The following CORO2B variants were observed in gnomAD, a reference collection of about 807,000 sequenced individuals.
CORO2B encodes the protein coronin 2B.
In CORO2B, 26 loss-of-function variants were observed where a neutral mutation model predicts 58.8. The observed-to-expected ratio is 0.44, with a 90% CI of 0.32 to 0.61. The LOEUF is 0.61. Among genes scored for constraint, CORO2B ranks in the 20% least tolerant of loss-of-function variants. The pLI, the probability that CORO2B is intolerant of heterozygous loss-of-function variation, is 0.04. For missense variants in CORO2B, 460 were observed against 645.1 expected (o/e 0.71, Z 3.11); for synonymous variants, 242 against 253.8 (o/e 0.95, Z 0.44).
At chr15:68,700,642 T>C (rs566151824) in intron 3 of CORO2B, among the ~76,000 whole-genome samples, 112 of 152,256 alleles carry the variant, frequency 7.4e-4, no homozygotes, top group Non-Finnish European at 1.2e-3. Context: ...TCTGGCAGAA[T>C]CCAGTTCTTT....
chr15:68,639,956 A>T (rs2140268016), intron 1 of CORO2B, among the ~76,000 whole-genome samples: 1 of 152,302 alleles, frequency 6.6e-6, no homozygotes, highest in East Asian at 1.9e-4. Context: ...CCAGATTTTC[A>T]GGTCACCTCT....
At position 68,641,633 on chromosome 15, in the gene CORO2B, G is replaced by A. The variant is rs1595984361; in HGVS notation, c.16-3527G>A. 6.1e-6 allele frequency: 6 copies of A among 979,122 alleles called. No individual in the cohort carries two copies. The African/African-American group carries it at 8.8e-5, about 14-fold the overall frequency. 60.7% of individuals were successfully genotyped at this position (979,122 alleles called of 1,614,324 possible). ...GGGTGGGCTCAGGAGAGCCTATCAG[G>A]TCAGCATGTCCTGTGCTGGGCATAT... On this transcript the variant is annotated intron_variant, in intron 1 of 11. Coordinates refer to ENST00000261861, the MANE Select transcript of CORO2B (RefSeq NM_006091.5).
chr15:68,672,366 G>C lies in CORO2B; in HGVS notation c.217-22774G>C, dbSNP rs969416013. Among the ~76,000 whole-genome samples the C allele has an allele frequency of 5.3e-5, 8 of 152,078 alleles. No homozygotes were observed. The East Asian group carries it at 1.2e-3, about 22-fold the overall frequency. ...TCCTCCCACCTCAGCCTCCCAAAGT[G>C]CTGGGATTACAGGCATGAGCCAAGT... On this transcript the variant is annotated intron_variant, in intron 2 of 11. Coordinates refer to ENST00000261861, the MANE Select transcript of CORO2B (RefSeq NM_006091.5).
chr15:68,725,935 G>A lies in CORO2B; in HGVS notation c.1404G>A (p.Leu468=). 6 of 1,613,986 alleles carry A rather than the reference G, an allele frequency of 3.7e-6. No homozygotes were observed. Among genetic ancestry groups the A allele is most frequent in the Non-Finnish European group, 4.2e-6 (5 of 1,180,026 alleles). Residue 468 remains leucine, a synonymous_variant, in exon 12 of 12, where the codon CTG becomes CTA. Coordinates refer to ENST00000261861, the MANE Select transcript of CORO2B (RefSeq NM_006091.5). Reference sequence around the variant, plus strand: ...ACATCCGCATTCGGCAGCTCCAGCTGGAACTGAAAAACTTGCGCAACAGCC... The same window carrying A: ...ACATCCGCATTCGGCAGCTCCAGCTAGAACTGAAAAACTTGCGCAACAGCC... ...QKDIRIRQLQ[L]ELKNLRNSPK...
At chr15:68,635,347 G>A (rs1900999006) in intron 1 of CORO2B, among the ~76,000 whole-genome samples, 1 of 152,178 alleles carries the variant, frequency 6.6e-6, no homozygotes, top group Non-Finnish European at 1.5e-5. Flanking sequence ...TGTTGGGCCT[G>A]TGTTTTGAGC....
At chr15:68,642,822 G>A (rs1566993266) in intron 1 of CORO2B, among the ~76,000 whole-genome samples, 1 of 152,160 alleles carries the variant, frequency 6.6e-6, no homozygotes, top group East Asian at 1.9e-4. Context: ...AAAGGCTGAG[G>A]GTTGGCTGCA....
At chr15:68,595,812 C>T (rs1375254255) in intron 1 of CORO2B, among the ~76,000 whole-genome samples, 2 of 152,170 alleles carry the variant, frequency 1.3e-5, no homozygotes, top group African/African-American at 2.4e-5. Flanking sequence ...CAAACAAATA[C>T]GGATGAAGCC....
chr15:68,714,733 T>A, intron 7 of CORO2B, 70 bp downstream of exon 7: 2 of 1,179,186 alleles, frequency 1.7e-6, no homozygotes, highest in Non-Finnish European at 1.3e-6. Context: ...CCCCTGCACC[T>A]GCCCCACCCC....
chr15:68,522,313 C>A, the CORO2B span, among the ~76,000 whole-genome samples: 1 of 152,154 alleles, frequency 6.6e-6, no homozygotes, highest in Admixed American at 6.5e-5. Context: ...CTCTCTTTCT[C>A]GTCTGAGACT....
intron 3 of CORO2B, among the ~76,000 whole-genome samples, chr15:68,697,304 A>G (rs1892538652): frequency 6.6e-6 from 1 of 152,244 alleles, no homozygotes; most frequent in Non-Finnish European, 1.5e-5. Context: ...GATGATGGAT[A>G]GATGAATGAA....
In CORO2B at chr15:68,706,190, T is replaced by A. The variant is rs115822260; in HGVS notation, c.334-4542T>A. Among the ~76,000 whole-genome samples the A allele has an allele frequency of 2.0e-3, 302 of 152,250 alleles. 1 individual carries two copies. The highest frequency in any genetic ancestry group is 7.1e-3 in the African/African-American group (294 of 41,544). ...GAGCCAGGCTGACCCCCGTGCAGGTTCCCTACCTGCTGGCGCCCGACCCCA... is the reference window on the plus strand; with the variant it reads ...GAGCCAGGCTGACCCCCGTGCAGGTACCCTACCTGCTGGCGCCCGACCCCA... On this transcript the variant is annotated intron_variant, in intron 3 of 11. Coordinates refer to ENST00000261861, the MANE Select transcript of CORO2B (RefSeq NM_006091.5).
chr15:68,695,104 A>G, intron 2 of CORO2B, 36 bp from the exon 3 acceptor site: 4 of 1,499,020 alleles, frequency 2.7e-6, no homozygotes, highest in Non-Finnish European at 3.7e-6. Context: ...CCATCAAACT[A>G]ATCTCCTTCT....
At chr15:68,572,159 G>C in the CORO2B span, among the ~76,000 whole-genome samples, 1 of 152,236 alleles carries the variant, frequency 6.6e-6, no homozygotes, top group African/African-American at 2.4e-5. Flanking sequence ...TTGAGGAGCA[G>C]CTCTTCCAGG....
chr15:68,647,581 C>A lies in CORO2B; in HGVS notation c.216+2221C>A, dbSNP rs1017310830. Among the ~76,000 whole-genome samples the A allele has an allele frequency of 9.9e-5, 15 of 151,562 alleles. 1 individual carries two copies. The highest frequency in any genetic ancestry group is 2.0e-4 in the Admixed American group (3 of 15,192). On this transcript the variant is annotated intron_variant, in intron 2 of 11. Coordinates refer to ENST00000261861, the MANE Select transcript of CORO2B (RefSeq NM_006091.5). The stretch of plus-strand genomic sequence containing the variant: ...GCACATGCCTGTAATTCCGGCTGCT[C>A]TGGAGGCTGAGGCAGGGGAATCGCT...
At chr15:68,675,545 C>T (rs1330754018) in intron 2 of CORO2B, among the ~76,000 whole-genome samples, 1 of 152,130 alleles carries the variant, frequency 6.6e-6, no homozygotes, top group South Asian at 2.1e-4. Flanking sequence ...GCTGCGTGAT[C>T]TTGAGCAAGA....
chr15:68,629,152 C>G (rs1319752013), intron 1 of CORO2B, among the ~76,000 whole-genome samples: 1 of 152,212 alleles, frequency 6.6e-6, no homozygotes, highest in Non-Finnish European at 1.5e-5. Flanking sequence ...GTTGTTGCCC[C>G]CTCAGTGGGG....
intron 1 of CORO2B, among the ~76,000 whole-genome samples, chr15:68,601,384 G>A (rs998130195): frequency 5.3e-5 from 8 of 152,218 alleles, no homozygotes; most frequent in Non-Finnish European, 8.8e-5. Flanking sequence ...TCCTCTGAGC[G>A]TTGTCAGGTG....
At chr15:68,718,874 T>C (rs1414759735) in intron 9 of CORO2B, 64 bp downstream of exon 9, 1 of 1,370,596 alleles carries the variant, frequency 7.3e-7, no homozygotes, top group East Asian at 2.3e-5. Flanking sequence ...TGCTCACCAC[T>C]GACCATGACC....
At chr15:68,576,069 C>T (rs557319665), upstream of CORO2B, among the ~76,000 whole-genome samples, 3 of 133,236 alleles carry the variant, frequency 2.3e-5, no homozygotes, top group South Asian at 7.8e-4. Flanking sequence ...GGGAGAATCG[C>T]TTGAACCCGA....
Sources: allele counts gnomAD v4.1 joint callset (sites outside exome capture counted in the v4.1 genomes callset), GRCh38; gene constraint gnomAD v4.1.1; transcripts MANE v1.5; gene names NCBI Gene and HGNC (gene_info 2026-07-23, HGNC 2026-07-21).